Variants in ACBD6 observed in about 807,000 individuals in gnomAD.
ACBD6 encodes the protein acyl-CoA-binding domain-containing protein 6.
Under a neutral mutation model 37.2 loss-of-function variants are expected in ACBD6, and 28 were observed. The ratio of observed to expected loss-of-function variants is 0.75; its 90% CI spans 0.56 to 1.03. The LOEUF (loss-of-function observed/expected upper bound fraction) is 1.03, where lower values mean the gene tolerates loss of function less well. Among genes scored for constraint, ACBD6 ranks in the 50% least tolerant of loss-of-function variants. The pLI is 0.00. For missense variants in ACBD6, 340 were observed against 337.4 expected (o/e 1.01, Z -0.06); for synonymous variants, 113 against 126.8 (o/e 0.89, Z 0.73).
chr1:180,471,101 T>A (rs1021603936), intron 3 of ACBD6, among the ~76,000 whole-genome samples: 2 of 152,194 alleles, frequency 1.3e-5, no homozygotes, highest in African/African-American at 4.8e-5. Flanking sequence ...ACGCAAATAA[T>A]TGAAAGTTTA....
intron 3 of ACBD6, chr1:180,435,330 G>T: frequency 2.3e-6 from 1 of 441,092 alleles, no homozygotes; most frequent in Non-Finnish European, 4.3e-6. Context: ...CTCACTGCAA[G>T]CTCCGTCTCC....
exon 14 of ACBD6, chr1:180,271,164 T>G (rs1648630046): frequency 3.2e-6 from 2 of 625,734 alleles, no homozygotes; most frequent in South Asian, 1.8e-5. Flanking sequence ...GAGAAAGGAC[T>G]GCTGTCCTCA....
intron 4 of ACBD6, 22 bp from the exon 5 acceptor site, chr1:180,413,493 T>C: frequency 6.5e-7 from 1 of 1,547,876 alleles, no homozygotes; most frequent in Non-Finnish European, 8.9e-7. Flanking sequence ...AAAAGAAAGG[T>C]CTTTTTTTAC....
chr1:180,361,463 A>G (rs1256655113), intron 6 of ACBD6, among the ~76,000 whole-genome samples: 5 of 64,588 alleles, frequency 7.7e-5, no homozygotes, highest in Admixed American at 7.7e-4. Context: ...TTTCAAACAA[A>G]TTTTATAGAC....
chr1:180,271,484 G>T, exon 14 of ACBD6: 1 of 1,614,174 alleles, frequency 6.2e-7, no homozygotes, highest in Non-Finnish European at 8.5e-7. Flanking sequence ...TGCCCGGCAC[G>T]TGAGGGAGCA....
chr1:180,470,526 A>G (rs1330983225), intron 3 of ACBD6, among the ~76,000 whole-genome samples: 1 of 152,228 alleles, frequency 6.6e-6, no homozygotes, highest in African/African-American at 2.4e-5. Context: ...CAATGAACTG[A>G]GTTATTTAAA....
chr1:180,433,195 G>A (rs529831577), intron 3 of ACBD6, among the ~76,000 whole-genome samples: 22 of 152,184 alleles, frequency 1.4e-4, no homozygotes, highest in African/African-American at 5.3e-4. Flanking sequence ...TATACATCAT[G>A]ATCAACTGGG....
intron 6 of ACBD6, among the ~76,000 whole-genome samples, chr1:180,357,027 G>C (rs1031157376): frequency 6.6e-6 from 1 of 152,084 alleles, no homozygotes; most frequent in African/African-American, 2.4e-5. Flanking sequence ...CAAGGAAAAA[G>C]CTCAACTAAC....
chr1:180,431,060 T>C (rs1254842026), intron 3 of ACBD6, among the ~76,000 whole-genome samples: 4 of 152,182 alleles, frequency 2.6e-5, no homozygotes, highest in Non-Finnish European at 5.9e-5. Flanking sequence ...ATTACATTAT[T>C]ATTTAATTTG....
At chr1:180,306,811 A>T (rs188933411) in intron 7 of ACBD6, among the ~76,000 whole-genome samples, 1 of 152,280 alleles carries the variant, frequency 6.6e-6, no homozygotes, top group East Asian at 1.9e-4. Flanking sequence ...TTCTGGAACT[A>T]TTAAAAATAC....
At chr1:180,373,884 T>C (rs958537187) in intron 6 of ACBD6, among the ~76,000 whole-genome samples, 24 of 152,204 alleles carry the variant, frequency 1.6e-4, no homozygotes, top group African/African-American at 5.8e-4. Flanking sequence ...ATTTTTGATG[T>C]AGTAAAAACC....
intron 6 of ACBD6, among the ~76,000 whole-genome samples, chr1:180,358,429 AAAC>A (rs938209955): frequency 3.4e-5 from 5 of 148,438 alleles, no homozygotes; most frequent in Admixed American, 2.7e-4. Flanking sequence ...TCCGTCTCAA[AAAC>A]AACAACAACA....
intron 9 of ACBD6, chr1:180,275,908 G>C (rs1244557086): frequency 2.0e-5 from 3 of 152,324 alleles, no homozygotes; most frequent in African/African-American, 7.2e-5. Context: ...TGAGGCCAGA[G>C]CAAGGCCAAC....
At chr1:180,351,450 T>G (rs1652416011) in intron 6 of ACBD6, among the ~76,000 whole-genome samples, 1 of 152,082 alleles carries the variant, frequency 6.6e-6, no homozygotes, top group Non-Finnish European at 1.5e-5. Context: ...TAATTTTTTG[T>G]ATTTTTTAGT....
chr1:180,452,499 AT>A (rs1161079120), intron 3 of ACBD6, among the ~76,000 whole-genome samples: 1 of 151,718 alleles, frequency 6.6e-6, no homozygotes, highest in Non-Finnish European at 1.5e-5. Flanking sequence ...AATAATAATA[AT>A]AAAACCAACT....
intron 9 of ACBD6, chr1:180,278,058 T>A (rs1190781997): frequency 6.6e-6 from 1 of 152,212 alleles, no homozygotes; most frequent in Non-Finnish European, 1.5e-5. Flanking sequence ...AGGCTTCTGA[T>A]GAGCAAAGGC....
chr1:180,295,753 T>A (rs774967793), intron 7 of ACBD6, among the ~76,000 whole-genome samples: 2 of 152,138 alleles, frequency 1.3e-5, no homozygotes, highest in Non-Finnish European at 2.9e-5. Context: ...TAATATGAAT[T>A]TCATCAATCA....
At chr1:180,392,929 C>T (rs1654130657) in intron 6 of ACBD6, among the ~76,000 whole-genome samples, 1 of 152,110 alleles carries the variant, frequency 6.6e-6, no homozygotes, top group Non-Finnish European at 1.5e-5. Context: ...AACTGCATAA[C>T]ACCAGTACAC....
chr1:180,291,112 T>G (rs1209065923), intron 7 of ACBD6, among the ~76,000 whole-genome samples: 1 of 152,226 alleles, frequency 6.6e-6, no homozygotes, highest in Non-Finnish European at 1.5e-5. Context: ...CTGAGTAGTA[T>G]TCTACTGTAT....
Sources: gnomAD v4.1 joint callset for allele counts (sites outside exome capture counted in the v4.1 genomes callset) on GRCh38, gnomAD v4.1.1 for gene constraint, MANE v1.5 for transcripts, NCBI Gene and HGNC (gene_info 2026-07-23, HGNC 2026-07-21) for gene names.